Variants in CCSER1 observed in about 807,000 individuals in gnomAD.
CCSER1 encodes serine-rich coiled-coil domain-containing protein 1.
CCSER1 carries 41 observed loss-of-function variants against 82.0 expected under a neutral mutation model. That is an observed-to-expected ratio of 0.50 (90% CI 0.39 to 0.65). CCSER1 has a LOEUF of 0.65. CCSER1 is among the 30% of genes least tolerant of loss of function. The pLI is 0.00. For synonymous variants in CCSER1, 414 were observed against 383.9 expected, an observed-to-expected ratio of 1.08 and a Z score of -0.92; for missense variants, 1,119 against 1,064.2, an observed-to-expected ratio of 1.05 and a Z score of -0.72.
intron 10 of CCSER1, among the ~76,000 whole-genome samples, chr4:91,220,758 T>A (rs1287248355): frequency 6.6e-6 from 1 of 151,744 alleles, no homozygotes; most frequent in Non-Finnish European, 1.5e-5. Flanking sequence ...GTACACTTAC[T>A]GAAAAAAAAG....
At chr4:90,375,257 A>G (rs1407395826) in intron 3 of CCSER1, among the ~76,000 whole-genome samples, 1 of 152,178 alleles carries the variant, frequency 6.6e-6, no homozygotes, top group Non-Finnish European at 1.5e-5. Context: ...GTCCACATGA[A>G]CCAAAATGGG....
chr4:91,403,309 G>T (rs186144502), intron 10 of CCSER1, among the ~76,000 whole-genome samples: 133 of 152,244 alleles, frequency 8.7e-4, no homozygotes, highest in African/African-American at 3.1e-3. Flanking sequence ...AGATGATGGG[G>T]TTTTCTAAAT....
intron 4 of CCSER1, among the ~76,000 whole-genome samples, chr4:90,447,385 A>G (rs952278048): frequency 6.6e-6 from 1 of 152,020 alleles, no homozygotes; most frequent in East Asian, 1.9e-4. Context: ...TTCTCTTACT[A>G]GAACTTGAGT....
At chr4:90,646,649 T>C (rs573303842) in intron 6 of CCSER1, among the ~76,000 whole-genome samples, 1 of 152,298 alleles carries the variant, frequency 6.6e-6, no homozygotes, top group South Asian at 2.1e-4. Context: ...TTTTCTTCAC[T>C]ATGTTAACTG....
chr4:90,401,603 A>G (rs1752886333), intron 4 of CCSER1, among the ~76,000 whole-genome samples: 1 of 152,158 alleles, frequency 6.6e-6, no homozygotes, highest in African/African-American at 2.4e-5. Context: ...GCGTGATCTC[A>G]GCTCACCACA....
intron 5 of CCSER1, among the ~76,000 whole-genome samples, chr4:90,611,059 C>CTTTTCTTTTTTTTTTTTTTTTTTTT (rs1303751301): frequency 1.1e-5 from 1 of 93,808 alleles, no homozygotes; most frequent in African/African-American, 5.6e-5. Flanking sequence ...CTTTTCTTTT[C>CTTTTCTTTTTTTTTTTTTTTTTTTT]TTTTTTTTTT....
intron 8 of CCSER1, chr4:90,918,187 T>G (rs529062810): frequency 4.4e-6 from 2 of 450,568 alleles, no homozygotes; most frequent in South Asian, 3.2e-5. Context: ...CTAGTGTCTG[T>G]TAATTGTATT....
At chr4:90,430,210 TAA>T (rs1389214082) in intron 4 of CCSER1, among the ~76,000 whole-genome samples, 1 of 151,954 alleles carries the variant, frequency 6.6e-6, no homozygotes, top group African/African-American at 2.4e-5. Flanking sequence ...GAATTTTTGA[TAA>T]GTTATGCAAG....
intron 7 of CCSER1, among the ~76,000 whole-genome samples, chr4:90,801,123 T>G (rs1182701549): frequency 6.6e-6 from 1 of 152,200 alleles, no homozygotes; most frequent in Non-Finnish European, 1.5e-5. Flanking sequence ...GGAACTTTTT[T>G]GACATCTTAA....
At chr4:91,387,483 A>T (rs1751370818) in intron 10 of CCSER1, among the ~76,000 whole-genome samples, 1 of 152,064 alleles carries the variant, frequency 6.6e-6, no homozygotes, top group African/African-American at 2.4e-5. Flanking sequence ...CTGAACATTT[A>T]AGAAGATATA....
chr4:91,357,792 A>ATT (rs201725584), intron 10 of CCSER1, among the ~76,000 whole-genome samples: 34 of 143,170 alleles, frequency 2.4e-4, no homozygotes, highest in Non-Finnish European at 3.0e-4. Flanking sequence ...TATTACAAAC[A>ATT]TTTTTTTTTT....
intron 1 of CCSER1, among the ~76,000 whole-genome samples, chr4:90,282,353 A>G (rs1217471149): frequency 1.3e-5 from 2 of 151,754 alleles, no homozygotes; most frequent in African/African-American, 2.4e-5. Context: ...GCGTATCCAT[A>G]TTTCTTAGCA....
At chr4:91,563,172 T>C (rs1016989942) in intron 10 of CCSER1, among the ~76,000 whole-genome samples, 3 of 151,742 alleles carry the variant, frequency 2.0e-5, no homozygotes, top group African/African-American at 7.2e-5. Context: ...AAGCTCATTT[T>C]ACAAGGCCAG....
chr4:90,823,835 T>C (rs991502972), intron 8 of CCSER1, among the ~76,000 whole-genome samples: 2 of 152,036 alleles, frequency 1.3e-5, no homozygotes, highest in Admixed American at 6.5e-5. Flanking sequence ...TTACCTATAC[T>C]GTATCTTCTG....
At chr4:90,476,820 G>A (rs1765185018) in intron 5 of CCSER1, among the ~76,000 whole-genome samples, 1 of 152,054 alleles carries the variant, frequency 6.6e-6, no homozygotes, top group Admixed American at 6.6e-5. Flanking sequence ...AAATCCTATT[G>A]TAACGTTTGC....
intron 5 of CCSER1, among the ~76,000 whole-genome samples, chr4:90,555,155 A>G (rs1777977616): frequency 6.6e-6 from 1 of 152,110 alleles, no homozygotes; most frequent in Non-Finnish European, 1.5e-5. Flanking sequence ...AAAAAGGGAA[A>G]TAATATATAA....
intron 6 of CCSER1, among the ~76,000 whole-genome samples, chr4:90,656,698 T>G (rs1392197681): frequency 3.9e-5 from 6 of 151,952 alleles, no homozygotes; most frequent in Non-Finnish European, 7.4e-5. Flanking sequence ...TAATTTTGTT[T>G]TCTATTTGTC....
At chr4:90,930,488 C>G (rs1325052109) in intron 9 of CCSER1, among the ~76,000 whole-genome samples, 1 of 151,902 alleles carries the variant, frequency 6.6e-6, no homozygotes, top group Non-Finnish European at 1.5e-5. Flanking sequence ...CGCCTGTAGT[C>G]CCAGCTACTT....
chr4:90,932,982 G>GAGAGAGAA lies in CCSER1; in HGVS notation c.2172+9538_2172+9539insGAGAAAGA, dbSNP rs1730228082. 9.0e-4 allele frequency among the ~76,000 whole-genome samples: 17 copies of GAGAGAGAA among 18,870 alleles called. 4 individuals carry two copies. Among genetic ancestry groups the GAGAGAGAA allele is most frequent in the South Asian group, 4.7e-3 (3 of 640 alleles). The allele number at this position is 18,870 out of a possible 152,430, so 12.4% of individuals were successfully genotyped here. ...AGAAAGAAAGAAAGAAAGAAAGAAA[G>GAGAGAGAA]AGAAAGAAAGAAAGAAAGAAAGAAA... On this transcript the variant is annotated intron_variant, in intron 9 of 10. Transcript: ENST00000509176.
Sources: gnomAD v4.1 joint callset for allele counts (sites outside exome capture counted in the v4.1 genomes callset) on GRCh38, gnomAD v4.1.1 for gene constraint, MANE v1.5 for transcripts, NCBI Gene and HGNC (gene_info 2026-07-23, HGNC 2026-07-21) for gene names.